The following RAB3C variants were observed in gnomAD, a reference collection of about 807,000 sequenced individuals.
RAB3C encodes the protein ras-related protein Rab-3C.
Under a neutral mutation model 26.4 loss-of-function variants are expected in RAB3C, and 17 were observed. That is an observed-to-expected ratio of 0.64 (90% CI 0.44 to 0.97). RAB3C has a LOEUF of 0.97. Ranked by LOEUF, RAB3C falls within the 50% of genes least tolerant of loss-of-function variation. The pLI, the probability that RAB3C is intolerant of heterozygous loss-of-function variation, is 0.00. For synonymous variants in RAB3C, 91 were observed against 95.9 expected, an observed-to-expected ratio of 0.95 and a Z score of 0.30; for missense variants, 242 against 281.9, an observed-to-expected ratio of 0.86 and a Z score of 1.01.
intron 2 of RAB3C, among the ~76,000 whole-genome samples, chr5:58,710,640 A>AAATAAATAAAT (rs966528865): frequency 6.6e-6 from 1 of 151,292 alleles, no homozygotes; most frequent in Non-Finnish European, 1.5e-5. Flanking sequence ...ATAAATAAAT[A>AAATAAATAAAT]AATAGAAATT....
rs553015538 is a variant in RAB3C, at chr5:58,841,150, G to A, written c.497-10014G>A. ...ACTGCAGGGCTATTTCTCAGGTCCTGAGCACGGTCACATAGCGACTTTGCT... is the reference window on the plus strand; with the variant it reads ...ACTGCAGGGCTATTTCTCAGGTCCTAAGCACGGTCACATAGCGACTTTGCT... On this transcript the variant is annotated intron_variant, in intron 4 of 4. Coordinates refer to ENST00000282878, the MANE Select transcript of RAB3C (RefSeq NM_138453.4). 3.3e-5 allele frequency among the ~76,000 whole-genome samples: 5 copies of A among 152,310 alleles called. No individual in the cohort carries two copies. The East Asian group carries it at 9.7e-4, about 29-fold the overall frequency.
At chr5:58,845,678 A>ATT (rs1326226416) in intron 4 of RAB3C, among the ~76,000 whole-genome samples, 2 of 146,486 alleles carry the variant, frequency 1.4e-5, no homozygotes, top group Non-Finnish European at 3.0e-5. Flanking sequence ...ATATATGTAT[A>ATT]TATGTGTATA....
chr5:58,660,685 G>T (rs574461744), intron 2 of RAB3C, among the ~76,000 whole-genome samples: 1 of 150,278 alleles, frequency 6.7e-6, no homozygotes, highest in Non-Finnish European at 1.5e-5. Context: ...GGAATATATG[G>T]TTATTTCTTT....
At chr5:58,827,895 T>C (rs193200144) in intron 4 of RAB3C, among the ~76,000 whole-genome samples, 2 of 152,254 alleles carry the variant, frequency 1.3e-5, no homozygotes, top group African/African-American at 4.8e-5. Flanking sequence ...TTTAATTACT[T>C]GTACATTTTA....
chr5:58,747,633 A>G (rs1741427695), intron 3 of RAB3C, among the ~76,000 whole-genome samples: 1 of 152,030 alleles, frequency 6.6e-6, no homozygotes, highest in African/African-American at 2.4e-5. Flanking sequence ...AACTCTTACA[A>G]AGAAAATTGC....
At chr5:58,751,523 T>C (rs1023675145) in intron 3 of RAB3C, among the ~76,000 whole-genome samples, 1 of 152,180 alleles carries the variant, frequency 6.6e-6, no homozygotes, top group Non-Finnish European at 1.5e-5. Flanking sequence ...ATGAACATGA[T>C]ATGTGAAGGA....
chr5:58,742,838 T>G (rs961383407), intron 3 of RAB3C, among the ~76,000 whole-genome samples: 1 of 152,216 alleles, frequency 6.6e-6, no homozygotes, highest in Non-Finnish European at 1.5e-5. Flanking sequence ...TAAGACAGCT[T>G]CTTGTAGGAA....
intron 1 of RAB3C, among the ~76,000 whole-genome samples, chr5:58,587,285 T>G (rs1228252185): frequency 6.6e-6 from 1 of 152,142 alleles, no homozygotes; most frequent in East Asian, 1.9e-4. Flanking sequence ...GAAGGAAATA[T>G]ATGTTTATGC....
At position 58,726,087 on chromosome 5, in the gene RAB3C, C is replaced by A. The variant is rs761953738; in HGVS notation, c.338C>A (p.Thr113Lys). 2 of 1,597,250 alleles carry A rather than the reference C, an allele frequency of 1.3e-6. No homozygotes were observed. The highest frequency in any genetic ancestry group is 1.3e-5 in the African/African-American group (1 of 74,358). The change falls in exon 3 of 5, where the codon ACA (threonine) becomes AAA (lysine). Residue 113 changes from threonine (T) to lysine (K), a missense_variant. Thr to Lys is a moderately conservative substitution (Grantham distance 78). Coordinates refer to ENST00000282878, the MANE Select transcript of RAB3C (RefSeq NM_138453.4). ...AMGFILMYDI[T>K]NEESFNAVQD... ...GGCTTTATTTTAATGTATGACATTA[C>A]AAATGAAGAATCCTTCAATGCAGTA...
intron 4 of RAB3C, 76 bp from the exon 5 acceptor site, chr5:58,851,088 T>G: frequency 7.1e-7 from 1 of 1,411,328 alleles, no homozygotes; most frequent in Non-Finnish European, 9.7e-7. Flanking sequence ...TCATCACTAT[T>G]GAAAGCCATA....
rs931962476 is a variant in RAB3C at position 58,650,136 on chromosome 5, T to C, written c.252+32266T>C. The stretch of plus-strand genomic sequence containing the variant: ...TCTTGGACCTAGAATTAAGTGGGTT[T>C]ACAAATCCCAACTCATGTAGCCAGG... On this transcript the variant is annotated intron_variant, in intron 2 of 4. Coordinates refer to ENST00000282878, the MANE Select transcript of RAB3C (RefSeq NM_138453.4). 3.4e-4 allele frequency among the ~76,000 whole-genome samples: 52 copies of C among 152,306 alleles called. 1 individual carries two copies. Among genetic ancestry groups the C allele is most frequent in the African/African-American group, 1.3e-3 (52 of 41,564 alleles).
chr5:58,664,078 A>T (rs762209461), intron 2 of RAB3C, among the ~76,000 whole-genome samples: 3 of 152,226 alleles, frequency 2.0e-5, no homozygotes, highest in Non-Finnish European at 4.4e-5. Context: ...TCATGGAATT[A>T]CACTTATAGA....
At chr5:58,835,626 C>T (rs1291052255) in intron 4 of RAB3C, among the ~76,000 whole-genome samples, 1 of 152,204 alleles carries the variant, frequency 6.6e-6, no homozygotes, top group Non-Finnish European at 1.5e-5. Context: ...GCCCTTTTCT[C>T]ATTCACACAA....
At chr5:58,638,759 G>A (rs1747344656) in intron 2 of RAB3C, among the ~76,000 whole-genome samples, 1 of 152,174 alleles carries the variant, frequency 6.6e-6, no homozygotes, top group African/African-American at 2.4e-5. Flanking sequence ...ACTGTTAGAA[G>A]CTCTTGAAGC....
At chr5:58,665,498 G>A (rs1747983968) in intron 2 of RAB3C, among the ~76,000 whole-genome samples, 1 of 152,048 alleles carries the variant, frequency 6.6e-6, no homozygotes, top group Non-Finnish European at 1.5e-5. Flanking sequence ...ACTACATCTT[G>A]GGCTCTACCA....
At chr5:58,677,081 C>A (rs1748245505) in intron 2 of RAB3C, among the ~76,000 whole-genome samples, 1 of 152,162 alleles carries the variant, frequency 6.6e-6, no homozygotes, top group South Asian at 2.1e-4. Flanking sequence ...TGCCTCCTCG[C>A]TTCTGTTATT....
intron 2 of RAB3C, among the ~76,000 whole-genome samples, chr5:58,714,192 A>C (rs1475236055): frequency 6.6e-6 from 1 of 152,126 alleles, no homozygotes; most frequent in African/African-American, 2.4e-5. Context: ...CAAGAGGTGA[A>C]TGGTAGTATG....
At chr5:58,834,937 G>C (rs2112071955) in intron 4 of RAB3C, among the ~76,000 whole-genome samples, 1 of 152,230 alleles carries the variant, frequency 6.6e-6, no homozygotes, top group Non-Finnish European at 1.5e-5. Context: ...TCACTCCTCA[G>C]AAACTGTCTG....
chr5:58,737,176 A>G (rs1741156472), intron 3 of RAB3C, among the ~76,000 whole-genome samples: 1 of 151,724 alleles, frequency 6.6e-6, no homozygotes. Flanking sequence ...GCCTGTACCT[A>G]AGAACATTTG....
Sources: allele counts gnomAD v4.1 joint callset (sites outside exome capture counted in the v4.1 genomes callset), GRCh38; gene constraint gnomAD v4.1.1; transcripts MANE v1.5; gene names NCBI Gene and HGNC (gene_info 2026-07-23, HGNC 2026-07-21).